Variants in GALNTL6 observed in about 807,000 individuals in gnomAD.
GALNTL6 encodes polypeptide N-acetylgalactosaminyltransferase-like 6.
In GALNTL6, 46 loss-of-function variants were observed where a neutral mutation model predicts 73.7. That is an observed-to-expected ratio of 0.62 (90% confidence interval 0.49 to 0.80). The LOEUF (loss-of-function observed/expected upper bound fraction) is 0.80. Ranked by LOEUF, GALNTL6 falls within the 30% of genes least tolerant of loss-of-function variation. GALNTL6 has a pLI of 0.00. For missense variants in GALNTL6, 604 were observed against 755.0 expected, an observed-to-expected ratio of 0.80 and a Z score of 2.34; for synonymous variants, 259 against 263.7, an observed-to-expected ratio of 0.98 and a Z score of 0.17.
chr4:171,989,665 C>G (rs1233431550), intron 2 of GALNTL6, among the ~76,000 whole-genome samples: 1 of 152,172 alleles, frequency 6.6e-6, no homozygotes, highest in Non-Finnish European at 1.5e-5. Context: ...TACTGCACAT[C>G]TTGAAGGCAA....
At chr4:173,007,675 A>C (rs572447557) in intron 10 of GALNTL6, among the ~76,000 whole-genome samples, 2 of 152,234 alleles carry the variant, frequency 1.3e-5, no homozygotes, top group African/African-American at 4.8e-5. Context: ...GCGTGGTGGC[A>C]CACGCCTGTA....
At chr4:171,878,438 CAT>C (rs1736340164) in intron 2 of GALNTL6, among the ~76,000 whole-genome samples, 2 of 152,234 alleles carry the variant, frequency 1.3e-5, no homozygotes, top group South Asian at 4.1e-4. Context: ...TGTCTCTGTA[CAT>C]GTTTCATTGC....
intron 12 of GALNTL6, among the ~76,000 whole-genome samples, chr4:173,027,091 G>A (rs553393190): frequency 2.0e-5 from 3 of 152,214 alleles, no homozygotes; most frequent in East Asian, 1.9e-4. Context: ...GGGTTCAAGC[G>A]AGACTCCTTC....
At chr4:171,819,022 A>T (rs1019464646) in intron 2 of GALNTL6, among the ~76,000 whole-genome samples, 1 of 151,974 alleles carries the variant, frequency 6.6e-6, no homozygotes, top group Admixed American at 6.6e-5. Flanking sequence ...CATGCTGATC[A>T]CTAAAGCTGT....
chr4:171,962,837 G>A (rs1560861161), intron 2 of GALNTL6, among the ~76,000 whole-genome samples: 2 of 130,920 alleles, frequency 1.5e-5, no homozygotes, highest in African/African-American at 2.9e-5. Flanking sequence ...CTCAATCTCA[G>A]CTCACTACAA....
chr4:172,359,080 A>G (rs1165887774), intron 5 of GALNTL6, among the ~76,000 whole-genome samples: 1 of 152,196 alleles, frequency 6.6e-6, no homozygotes, highest in Non-Finnish European at 1.5e-5. Flanking sequence ...ACACATGCAC[A>G]CAAATGTTCA....
intron 10 of GALNTL6, among the ~76,000 whole-genome samples, chr4:172,983,114 A>G (rs1751142958): frequency 6.6e-6 from 1 of 152,192 alleles, no homozygotes; most frequent in African/African-American, 2.4e-5. Flanking sequence ...AAAATTGCAC[A>G]TGCACTCCAT....
intron 8 of GALNTL6, among the ~76,000 whole-genome samples, chr4:172,924,669 AACCTGATCCTTCCTAAGG>A (rs1403955951): frequency 6.6e-6 from 1 of 152,146 alleles, no homozygotes; most frequent in Non-Finnish European, 1.5e-5. Context: ...TGAGGAGGGA[AACCTGATCCTTCCTAAGG>A]AATTAAAAAT....
chr4:172,103,149 A>C (rs945151996), intron 2 of GALNTL6, among the ~76,000 whole-genome samples: 1 of 152,138 alleles, frequency 6.6e-6, no homozygotes. Flanking sequence ...CCGGCTAATC[A>C]CCCAGTGTGG....
At chr4:172,812,009 A>AATGGATGG (rs71910847) in intron 6 of GALNTL6, among the ~76,000 whole-genome samples, 2,680 of 148,300 alleles carry the variant, frequency 0.018, 77 homozygotes, top group African/African-American at 0.059. Context: ...TGGATGGATA[A>AATGGATGG]ATGGATGGAT....
At chr4:171,931,577 C>T (rs78271646) in intron 2 of GALNTL6, among the ~76,000 whole-genome samples, 6,722 of 152,154 alleles carry the variant, frequency 0.044, 400 homozygotes, top group African/African-American at 0.14. Context: ...CAACTATTAA[C>T]GACTAAAAGT....
At chr4:172,815,336 C>T (rs1023574106) in intron 7 of GALNTL6, among the ~76,000 whole-genome samples, 2 of 151,960 alleles carry the variant, frequency 1.3e-5, no homozygotes, top group African/African-American at 4.8e-5. Flanking sequence ...ATTTTTAAAA[C>T]ATGCGTGTGG....
At chr4:172,490,691 C>T (rs1364625330) in intron 5 of GALNTL6, among the ~76,000 whole-genome samples, 1 of 152,050 alleles carries the variant, frequency 6.6e-6, no homozygotes, top group African/African-American at 2.4e-5. Flanking sequence ...CAACAACACT[C>T]TGTGGTGTGC....
chr4:172,131,036 T>G (rs933758189), intron 2 of GALNTL6, among the ~76,000 whole-genome samples: 10 of 151,998 alleles, frequency 6.6e-5, no homozygotes, highest in African/African-American at 2.2e-4. Flanking sequence ...AGTAAACTTT[T>G]TTATTTGTTA....
In GALNTL6 at chr4:172,937,401, T is replaced by C. The variant is rs571647270; in HGVS notation, c.1149+6133T>C. On this transcript the variant is annotated intron_variant, in intron 9 of 12. Coordinates refer to ENST00000506823, the MANE Select transcript of GALNTL6 (RefSeq NM_001034845.3). ...AGCATCCCAGAGAAAATAGTATCAGTACAAAAACAGGGAAGGGAGGAAGAG... is the reference window on the plus strand; with the variant it reads ...AGCATCCCAGAGAAAATAGTATCAGCACAAAAACAGGGAAGGGAGGAAGAG... Among the ~76,000 whole-genome samples the C allele has an allele frequency of 3.9e-5, 6 of 152,020 alleles. No individual in the cohort carries two copies. In the East Asian group the frequency reaches 7.7e-4, roughly 20 times the overall value.
intron 3 of GALNTL6, among the ~76,000 whole-genome samples, chr4:172,282,253 A>G (rs1739086951): frequency 6.6e-6 from 1 of 152,200 alleles, no homozygotes; most frequent in Non-Finnish European, 1.5e-5. Context: ...GGAGATATTC[A>G]GATATCCACG....
At chr4:172,317,350 C>A (rs967646208) in intron 4 of GALNTL6, among the ~76,000 whole-genome samples, 15 of 152,258 alleles carry the variant, frequency 9.9e-5, no homozygotes, top group African/African-American at 3.6e-4. Flanking sequence ...AGCGGGGATG[C>A]AAGTTTCTTC....
At chr4:172,778,099 A>T (rs999557328) in intron 5 of GALNTL6, among the ~76,000 whole-genome samples, 13 of 152,248 alleles carry the variant, frequency 8.5e-5, no homozygotes, top group African/African-American at 2.9e-4. Context: ...TCTCATATAA[A>T]TTGTTTCCAA....
At chr4:172,880,248 A>G (rs1745386458) in intron 7 of GALNTL6, among the ~76,000 whole-genome samples, 1 of 152,126 alleles carries the variant, frequency 6.6e-6, no homozygotes, top group African/African-American at 2.4e-5. Flanking sequence ...ACTGCGAACA[A>G]CCCAAACGTC....
Sources: allele counts gnomAD v4.1 joint callset (sites outside exome capture counted in the v4.1 genomes callset), GRCh38; gene constraint gnomAD v4.1.1; transcripts MANE v1.5; gene names NCBI Gene and HGNC (gene_info 2026-07-23, HGNC 2026-07-21).